MACROD2: variants seen among roughly 807,000 people sequenced by gnomAD.
The protein encoded by MACROD2 is mono-ADP ribosylhydrolase 2.
A neutral mutation model predicts 70.4 loss-of-function variants in MACROD2; 36 were observed. The observed-to-expected ratio is 0.51, with a 90% CI of 0.39 to 0.68. The LOEUF is 0.68. Ranked by LOEUF, MACROD2 falls within the 30% of genes least tolerant of loss-of-function variation. The pLI is 0.00. For synonymous variants in MACROD2, 172 were observed against 178.8 expected (o/e 0.96, Z 0.30); for missense variants, 496 against 538.4 (o/e 0.92, Z 0.78).
Position 15,142,506 on chromosome 20 carries a change from C to G in MACROD2, c.419-87434C>G, listed in dbSNP as rs574330279. Among the ~76,000 whole-genome samples, 11 of 151,852 alleles carry G rather than the reference C, an allele frequency of 7.2e-5. 1 individual carries two copies. In the South Asian group the frequency reaches 1.7e-3, roughly 23 times the overall value. Reference sequence around the variant, plus strand: ...ATTTTTTTGTTATTTTCCATTTTTACTACTTTTATTTTTTTATTATTATAC... The same window carrying G: ...ATTTTTTTGTTATTTTCCATTTTTAGTACTTTTATTTTTTTATTATTATAC... On this transcript the variant is annotated intron_variant, in intron 5 of 17. Transcript: ENST00000684519.
intron 5 of MACROD2, among the ~76,000 whole-genome samples, chr20:14,919,599 C>G (rs1474861754): frequency 6.6e-6 from 1 of 152,202 alleles, no homozygotes; most frequent in Admixed American, 6.5e-5. Flanking sequence ...ATGAGTGCCT[C>G]TTTCTAACTT....
At chr20:14,118,606 C>G (rs980458510) in intron 3 of MACROD2, among the ~76,000 whole-genome samples, 1 of 152,130 alleles carries the variant, frequency 6.6e-6, no homozygotes, top group Non-Finnish European at 1.5e-5. Context: ...GCTGTTAGCC[C>G]TTTCCTTCAC....
At chr20:14,892,507 A>G (rs1436261754) in intron 5 of MACROD2, among the ~76,000 whole-genome samples, 1 of 152,182 alleles carries the variant, frequency 6.6e-6, no homozygotes, top group Non-Finnish European at 1.5e-5. Flanking sequence ...TAAAAGATTG[A>G]CATACCTGGA....
rs1447999821 is a variant in MACROD2 at position 15,609,011 on chromosome 20, A to G, written c.645+109164A>G. 3.3e-5 allele frequency among the ~76,000 whole-genome samples: 5 copies of G among 151,904 alleles called. No homozygotes were observed. In the East Asian group the frequency reaches 5.8e-4, roughly 18 times the overall value. ...TTCTTTTTGTTTCTGCCTCTACCCA[A>G]TTCTTGTGGGATGATGTCCCAGCTA... On this transcript the variant is annotated intron_variant, in intron 8 of 17. Coordinates refer to ENST00000684519, the MANE Select transcript of MACROD2 (RefSeq NM_001351661.2).
intron 5 of MACROD2, among the ~76,000 whole-genome samples, chr20:14,801,707 T>C (rs1465785598): frequency 1.3e-5 from 2 of 152,064 alleles, no homozygotes; most frequent in Non-Finnish European, 1.5e-5. Context: ...GTTACTGTTT[T>C]GGCTTCATCT....
intron 5 of MACROD2, among the ~76,000 whole-genome samples, chr20:14,907,124 A>G (rs2122575374): frequency 6.6e-6 from 1 of 152,324 alleles, no homozygotes; most frequent in East Asian, 1.9e-4. Flanking sequence ...TGCTATGGCA[A>G]CACCTGGAAG....
At chr20:16,047,925 A>C (rs2147626265) in intron 17 of MACROD2, among the ~76,000 whole-genome samples, 1 of 152,338 alleles carries the variant, frequency 6.6e-6, no homozygotes, top group Non-Finnish European at 1.5e-5. Context: ...AGAAATTAAT[A>C]GAAAGACTTG....
At chr20:14,987,242 C>T (rs2074857737) in intron 5 of MACROD2, among the ~76,000 whole-genome samples, 1 of 151,976 alleles carries the variant, frequency 6.6e-6, no homozygotes, top group Non-Finnish European at 1.5e-5. Context: ...TTTGTTTAAC[C>T]TCCTAGAGCC....
chr20:14,199,195 G>A (rs1210393495), intron 3 of MACROD2, among the ~76,000 whole-genome samples: 1 of 152,138 alleles, frequency 6.6e-6, no homozygotes, highest in Admixed American at 6.5e-5. Context: ...TTCTCTTCAG[G>A]AACTCTTGAT....
chr20:15,348,628 T>C (rs759411717), intron 6 of MACROD2, among the ~76,000 whole-genome samples: 1 of 152,134 alleles, frequency 6.6e-6, no homozygotes, highest in Non-Finnish European at 1.5e-5. Flanking sequence ...CTCACAATCA[T>C]GGCGGAAGGC....
chr20:14,133,580 G>T (rs980011363), intron 3 of MACROD2, among the ~76,000 whole-genome samples: 2 of 152,104 alleles, frequency 1.3e-5, no homozygotes, highest in African/African-American at 4.8e-5. Flanking sequence ...CAGTAAAGAG[G>T]TACCATTTCA....
chr20:14,036,766 C>T (rs930650788), intron 2 of MACROD2, among the ~76,000 whole-genome samples: 1 of 152,156 alleles, frequency 6.6e-6, no homozygotes, highest in Non-Finnish European at 1.5e-5. Flanking sequence ...CAGGCTCAAG[C>T]GATTCTCCCA....
chr20:15,482,914 GTTCA>G lies in MACROD2; in HGVS notation c.572-16857_572-16854del, dbSNP rs1395163728. Reference sequence around the variant, plus strand: ...TCTTTTGCCAATTTTTAATTGGGTTGTTCATTTATTTATTAGTGAGTTTTAAGAG... The same window carrying G: ...TCTTTTGCCAATTTTTAATTGGGTTGTTTATTTATTAGTGAGTTTTAAGAG... On this transcript the variant is annotated intron_variant, in intron 7 of 17. Coordinates refer to ENST00000684519, the MANE Select transcript of MACROD2 (RefSeq NM_001351661.2). 1.6e-4 allele frequency among the ~76,000 whole-genome samples: 25 copies of G among 152,088 alleles called. No individual in the cohort carries two copies. In the East Asian group the frequency reaches 4.8e-3, roughly 29 times the overall value.
intron 8 of MACROD2, among the ~76,000 whole-genome samples, chr20:15,704,094 A>T (rs1489180795): frequency 6.6e-6 from 1 of 152,180 alleles, no homozygotes; most frequent in Non-Finnish European, 1.5e-5. Flanking sequence ...TACTCTAGTC[A>T]GGGCTTTTGC....
chr20:15,688,848 C>T (rs559539198), intron 8 of MACROD2, among the ~76,000 whole-genome samples: 7 of 152,178 alleles, frequency 4.6e-5, no homozygotes, highest in East Asian at 1.9e-4. Context: ...ATATGAAAAA[C>T]GTAAGGTGAA....
chr20:14,418,939 C>T (rs1227034399), intron 3 of MACROD2, among the ~76,000 whole-genome samples: 3 of 152,066 alleles, frequency 2.0e-5, no homozygotes, highest in African/African-American at 7.2e-5. Context: ...CTTGGACAAC[C>T]TATTTCATCT....
At chr20:14,632,105 G>A (rs548424296) in intron 4 of MACROD2, among the ~76,000 whole-genome samples, 1 of 151,892 alleles carries the variant, frequency 6.6e-6, no homozygotes, top group South Asian at 2.1e-4. Context: ...TGGCTATAAG[G>A]AATATTGATT....
rs187288682 is a variant in MACROD2 at position 14,712,720 on chromosome 20, A to G, written c.418+27761A>G. Among the ~76,000 whole-genome samples the G allele has an allele frequency of 2.9e-4, 44 of 152,320 alleles. 1 individual carries two copies. Among genetic ancestry groups the G allele is most frequent in the Admixed American group, 2.6e-3 (40 of 15,294 alleles). On this transcript the variant is annotated intron_variant, in intron 5 of 17. Coordinates refer to ENST00000684519, the MANE Select transcript of MACROD2 (RefSeq NM_001351661.2). ...AGACTTTTAGGGAGCTTGAATTGTC[A>G]GTATCTCCTAATCTCTCAACTATTT...
chr20:15,550,279 A>G (rs937469153), intron 8 of MACROD2, among the ~76,000 whole-genome samples: 34 of 149,150 alleles, frequency 2.3e-4, no homozygotes, highest in Non-Finnish European at 4.3e-4. Context: ...TTAAAATAAG[A>G]AATATTTAAA....
Sources: gnomAD v4.1 joint callset for allele counts (sites outside exome capture counted in the v4.1 genomes callset) on GRCh38, gnomAD v4.1.1 for gene constraint, MANE v1.5 for transcripts, NCBI Gene and HGNC (gene_info 2026-07-23, HGNC 2026-07-21) for gene names.